The following GCN1 variants were observed in gnomAD, a reference collection of about 807,000 sequenced individuals.
GCN1 encodes GCN1 activator of EIF2AK4.
Under a neutral mutation model 288.4 loss-of-function variants are expected in GCN1, and 90 were observed. The observed-to-expected ratio is 0.31, with a 90% CI of 0.26 to 0.37. The LOEUF is 0.37. Ranked by LOEUF, GCN1 falls within the 10% of genes least tolerant of loss-of-function variation. GCN1 has a pLI of 1.00. For missense variants in GCN1, 2,586 were observed against 3,419.9 expected (o/e 0.76, Z 6.08); for synonymous variants, 1,386 against 1,420.2 (o/e 0.98, Z 0.54).
In GCN1 at chr12:120,127,734, A is replaced by T; in HGVS notation, c.*115T>A. 8.4e-7 allele frequency: 1 copy of T among 1,189,984 alleles called. No homozygotes were observed. Among genetic ancestry groups the T allele is most frequent in the South Asian group, 1.4e-5 (1 of 71,990 alleles). 73.7% of individuals were successfully genotyped at this position (1,189,984 alleles called of 1,614,324 possible). ...CTTTGGCTGTGGTCTATTGATATTA[A>T]AATACTTTCTGGGAACGCCATCTTC... On this transcript the variant is annotated 3_prime_UTR_variant, in exon 58 of 58. Transcript: ENST00000300648.
chr12:120,169,534 C>T (rs766231143), intron 15 of GCN1, among the ~76,000 whole-genome samples: 7 of 151,998 alleles, frequency 4.6e-5, no homozygotes, highest in Non-Finnish European at 1.0e-4. Context: ...GACAAAGTCT[C>T]ACTGTGCCAC....
Position 120,178,873 on chromosome 12 carries a change from T to C in GCN1, c.504A>G (p.Lys168=). ...TCACCTCTTTCCACAGCTTCGTGAGTTTCTTCACAGCACCATCCACGGCGT... is the reference window on the plus strand; with the variant it reads ...TCACCTCTTTCCACAGCTTCGTGAGCTTCTTCACAGCACCATCCACGGCGT... The part of the protein sequence containing the change: ...HKHAVDGAVK[K]LTKLWKENPG... Residue 168 remains lysine (K), a synonymous_variant, in exon 6 of 58, where the codon AAA becomes AAG. Coordinates refer to ENST00000300648, the MANE Select transcript of GCN1 (RefSeq NM_006836.2). 6.2e-7 allele frequency: 1 copy of C among 1,613,886 alleles called. No individual in the cohort carries two copies. The highest frequency in any genetic ancestry group is 8.5e-7 in the Non-Finnish European group (1 of 1,179,956).
At chr12:120,185,070 A>ATTTTTC (rs1192685545) in intron 2 of GCN1, among the ~76,000 whole-genome samples, 183 bp from the exon 3 acceptor site, 1 of 152,208 alleles carries the variant, frequency 6.6e-6, no homozygotes, top group African/African-American at 2.4e-5. Flanking sequence ...GGTACAGAAA[A>ATTTTTC]GCTTTGGGTA....
At chr12:120,149,074 G>A (rs1163245039) in intron 36 of GCN1, among the ~76,000 whole-genome samples, 1 of 148,414 alleles carries the variant, frequency 6.7e-6, no homozygotes, top group Non-Finnish European at 1.5e-5. Context: ...CCTGCCTAAG[G>A]TTATTTTCAA....
Position 120,161,883 on chromosome 12 carries a change from T to C in GCN1, c.2339A>G (p.Gln780Arg), listed in dbSNP as rs1877944245. 1 of 1,613,996 alleles carries C rather than the reference T, an allele frequency of 6.2e-7. No homozygotes were observed. ...GAGCCCATAAGTGAGGTCTCACCTCTGAATGATGGATTTGTCATACAGCTC... is the reference window on the plus strand; with the variant it reads ...GAGCCCATAAGTGAGGTCTCACCTCCGAATGATGGATTTGTCATACAGCTC... Reference protein sequence around the residue: ...AGELYDKSIIQSAQQDSIKKA... With the variant: ...AGELYDKSIIRSAQQDSIKKA... Residue 780 changes from glutamine to arginine, a missense_variant, in exon 21 of 58, where the codon CAG (glutamine) becomes CGG (arginine). By Grantham distance (43) the Gln-to-Arg change is conservative. Coordinates refer to ENST00000300648, the MANE Select transcript of GCN1 (RefSeq NM_006836.2).
chr12:120,178,383 T>C (rs1878544964), intron 7 of GCN1, among the ~76,000 whole-genome samples: 1 of 145,656 alleles, frequency 6.9e-6, no homozygotes, highest in African/African-American at 2.8e-5. Flanking sequence ...TTGGGATGAA[T>C]AAGTGACTGC....
chr12:120,177,400 A>G, intron 9 of GCN1, 47 bp downstream of exon 9: 1 of 910,354 alleles, frequency 1.1e-6, no homozygotes, highest in Non-Finnish European at 1.8e-6. Context: ...GAATAGAGAT[A>G]TAGGCAACTC....
chr12:120,127,815 G>C lies in GCN1; in HGVS notation c.*34C>G. 6.2e-7 allele frequency: 1 copy of C among 1,604,514 alleles called. No homozygotes were observed. The highest frequency in any genetic ancestry group is 8.5e-7 in the Non-Finnish European group (1 of 1,172,840). On this transcript the variant is annotated 3_prime_UTR_variant, in exon 58 of 58. Transcript: ENST00000300648. ...AAAAATGAAAACATTGAGCAAAGAT[G>C]TGGAGCGGCAATGCTGCTGCTGGCC...
intron 2 of GCN1, among the ~76,000 whole-genome samples, chr12:120,186,810 T>A (rs1018722424): frequency 3.3e-5 from 5 of 152,188 alleles, no homozygotes; most frequent in Non-Finnish European, 7.3e-5. Flanking sequence ...ACTACTGCTA[T>A]CTCCATGTTC....
intron 18 of GCN1, 62 bp downstream of exon 18, chr12:120,164,274 T>A: frequency 6.8e-7 from 1 of 1,473,252 alleles, no homozygotes; most frequent in South Asian, 1.2e-5. Context: ...AAACCCCACA[T>A]CGTAAGCAGG....
At chr12:120,187,332 C>T (rs532185001) in intron 2 of GCN1, among the ~76,000 whole-genome samples, 85 of 151,884 alleles carry the variant, frequency 5.6e-4, no homozygotes, top group South Asian at 3.5e-3. Context: ...CCTGCCTCTG[C>T]CTCCCAAAGT....
chr12:120,166,636 G>C (rs533899479), intron 16 of GCN1, among the ~76,000 whole-genome samples: 1 of 150,104 alleles, frequency 6.7e-6, no homozygotes. Context: ...CCCGGGAGGC[G>C]GAGCTTGCAG....
rs115155492 is a variant in GCN1, at chr12:120,128,150, C to T, written c.7891-176G>A. The stretch of plus-strand genomic sequence containing the variant: ...AAAGCCAATGAAAACACTCATCATG[C>T]TTTTCTATTTTTCCCTTTTTCTTAG... On this transcript the variant is annotated intron_variant, in intron 57 of 57. Transcript: ENST00000300648. Among the ~76,000 whole-genome samples, 517 of 152,332 alleles carry T rather than the reference C, an allele frequency of 3.4e-3. 5 individuals are homozygous for T. Among genetic ancestry groups the T allele is most frequent in the African/African-American group, 0.012 (496 of 41,580 alleles).
chr12:120,137,389 GA>G lies in GCN1; in HGVS notation c.6664-71del. 1 of 1,445,250 alleles carries G rather than the reference GA, an allele frequency of 6.9e-7. No homozygotes were observed. Among genetic ancestry groups the G allele is most frequent in the Non-Finnish European group, 9.7e-7 (1 of 1,029,376 alleles). 89.5% of individuals were successfully genotyped at this position (1,445,250 alleles called of 1,614,324 possible). A position where few individuals can be genotyped will look rare whatever the true frequency, so the allele number is the denominator to read the frequency against. On this transcript the variant is annotated intron_variant, in intron 49 of 57. Coordinates refer to ENST00000300648, the MANE Select transcript of GCN1 (RefSeq NM_006836.2). The surrounding 1 kb of genome is among the most constrained non-coding windows in gnomAD (Gnocchi z 5.2). ...AGACTGCTTCCAAAGAATATATGGG[GA>G]AAGCGTGGGCGGGAGTATAAACAAG... is the stretch of plus-strand genomic sequence containing the variant.
At chr12:120,178,804 G>T (rs1405885775) in intron 6 of GCN1, 45 bp from the exon 7 acceptor site, 3 of 1,613,502 alleles carry the variant, frequency 1.9e-6, no homozygotes, top group Non-Finnish European at 2.5e-6. Context: ...GGCAGTGGGG[G>T]AGTGGCATGG....
In GCN1 at chr12:120,134,296, C is replaced by T. The variant is rs1876924569; in HGVS notation, c.7312G>A (p.Asp2438Asn). ...VSLLLSMLGH[D>N]EDNTRISSAG... ...AGTCCTGCCTGCAGCCGTACCTCAT[C>T]GTGTCCCAGCATGCTCAGCAGGAGT... Residue 2438 changes from aspartate (D) to asparagine (N), a missense_variant, in exon 53 of 58, where the codon GAT becomes AAT. By Grantham distance (23) the Asp-to-Asn change is conservative. Around this residue, in one of 8 missense-constraint regions of GCN1, gnomAD observed 355 missense variants for 431.1 expected, o/e 0.82. Coordinates refer to ENST00000300648, the MANE Select transcript of GCN1 (RefSeq NM_006836.2). The surrounding 1 kb of genome is among the most constrained non-coding windows in gnomAD (Gnocchi z 5.0). 1.9e-6 allele frequency: 3 copies of T among 1,610,626 alleles called. No individual in the cohort carries two copies. The highest frequency in any genetic ancestry group is 2.5e-6 in the Non-Finnish European group (3 of 1,177,042).
At chr12:120,133,680 TGA>T (rs1204641994) in intron 53 of GCN1, among the ~76,000 whole-genome samples, 5 of 152,192 alleles carry the variant, frequency 3.3e-5, no homozygotes, top group African/African-American at 1.2e-4. Flanking sequence ...AAAGTGGAAA[TGA>T]GAGGCAGACA....
chr12:120,141,767 C>A (rs537114257), intron 44 of GCN1, among the ~76,000 whole-genome samples: 13 of 152,218 alleles, frequency 8.5e-5, no homozygotes, highest in Non-Finnish European at 1.9e-4. Flanking sequence ...ACTTATCTTT[C>A]ATCTTCCAGC....
At chr12:120,193,018 A>G (rs939917768) in intron 1 of GCN1, among the ~76,000 whole-genome samples, 2 of 151,996 alleles carry the variant, frequency 1.3e-5, no homozygotes, top group African/African-American at 4.8e-5. Flanking sequence ...CCTGGGCAAC[A>G]AGAGAGAAAC....
Sources: allele counts gnomAD v4.1 joint callset (sites outside exome capture counted in the v4.1 genomes callset), GRCh38; gene constraint gnomAD v4.1.1; regional missense constraint gnomAD v4.1.1; non-coding constraint Gnocchi (gnomAD v3.1); transcripts MANE v1.5; gene names NCBI Gene and HGNC (gene_info 2026-07-23, HGNC 2026-07-21).